The following RTN4RL1 variants were observed in gnomAD, a reference collection of about 807,000 sequenced individuals.
The protein encoded by RTN4RL1 is reticulon 4 receptor like 1.
A neutral mutation model predicts 25.6 loss-of-function variants in RTN4RL1; 7 were observed. The ratio of observed to expected loss-of-function variants is 0.27; its 90% CI spans 0.16 to 0.51. The LOEUF (loss-of-function observed/expected upper bound fraction) is 0.51, where lower values mean the gene tolerates loss of function less well. Among genes scored for constraint, RTN4RL1 ranks in the 20% least tolerant of loss-of-function variants. The pLI is 0.97. For missense variants in RTN4RL1, 500 were observed against 615.6 expected (o/e 0.81, Z 1.99); for synonymous variants, 297 against 288.2 (o/e 1.03, Z -0.31).
intron 1 of RTN4RL1, among the ~76,000 whole-genome samples, chr17:1,974,353 TG>T (rs2066833594): frequency 6.6e-6 from 1 of 151,958 alleles, no homozygotes; most frequent in Non-Finnish European, 1.5e-5. Flanking sequence ...ATTGTGTCAT[TG>T]CACTCCAGCC....
rs200721283 is a variant in RTN4RL1 at position 1,937,696 on chromosome 17, C to T, written c.126G>A (p.Ala42=). ...YPAPMTVSCQ[A]HNFAAIPEGI... is the part of the protein sequence containing the mutation. ...CCTCCGGGATGGCTGCAAAGTTGTG[C>T]GCCTGGCAGCTGACCGTCATGGGCG... is the stretch of plus-strand genomic sequence containing the variant. The change falls in exon 2 of 2, where the codon GCG becomes GCA. Residue 42 remains alanine (A), a synonymous_variant. Transcript: ENST00000331238. The T allele has an allele frequency of 7.4e-5, 119 of 1,613,154 alleles. No homozygotes were observed. The highest frequency in any genetic ancestry group is 2.7e-4 in the South Asian group (25 of 91,058).
intron 1 of RTN4RL1, among the ~76,000 whole-genome samples, chr17:1,974,949 C>G (rs1407197481): frequency 1.3e-5 from 2 of 152,230 alleles, no homozygotes; most frequent in Non-Finnish European, 2.9e-5. Flanking sequence ...CACTGAAACT[C>G]AGCCTCACTC....
rs1338465704 is a variant in RTN4RL1, at chr17:1,935,753, A to G, written c.*743T>C. The stretch of plus-strand genomic sequence containing the variant: ...TATATATATATATATATATATATAT[A>G]TGTAGAGTGTGAATATATATAAGTG... On this transcript the variant is annotated 3_prime_UTR_variant, in exon 2 of 2. Coordinates refer to ENST00000331238, the MANE Select transcript of RTN4RL1 (RefSeq NM_178568.4). The G allele has an allele frequency of 2.9e-5, 9 of 307,994 alleles. No individual in the cohort carries two copies. The highest frequency in any genetic ancestry group is 1.3e-4 in the African/African-American group (5 of 39,382). 19.1% of individuals were successfully genotyped at this position (307,994 alleles called of 1,614,324 possible). A position where few individuals can be genotyped will look rare whatever the true frequency, so the allele number is the denominator to read the frequency against.
At chr17:2,001,053 A>C (rs1597235607) in intron 1 of RTN4RL1, among the ~76,000 whole-genome samples, 1 of 94,434 alleles carries the variant, frequency 1.1e-5, no homozygotes, top group Admixed American at 1.1e-4. Flanking sequence ...TTTTTCATTT[A>C]CTTTTTTTTT....
Position 1,935,162 on chromosome 17 carries a change from G to C in RTN4RL1, c.*1334C>G, listed in dbSNP as rs1009654118. The stretch of plus-strand genomic sequence containing the variant: ...CTCAAGCCCGGAGTCTCCTTGGCCC[G>C]TCCAGGCCGTCACTGACCAAACGCT... On this transcript the variant is annotated 3_prime_UTR_variant, in exon 2 of 2. Coordinates refer to ENST00000331238, the MANE Select transcript of RTN4RL1 (RefSeq NM_178568.4). The C allele has an allele frequency of 6.5e-6, 1 of 152,778 alleles. No individual in the cohort carries two copies. The highest frequency in any genetic ancestry group is 2.4e-5 in the African/African-American group (1 of 41,564). 9.5% of individuals were successfully genotyped at this position (152,778 alleles called of 1,614,324 possible).
At chr17:1,968,908 G>A (rs1271988260) in intron 1 of RTN4RL1, among the ~76,000 whole-genome samples, 2 of 152,160 alleles carry the variant, frequency 1.3e-5, no homozygotes, top group Non-Finnish European at 2.9e-5. Flanking sequence ...GGCACAAATG[G>A]ACAGTGCCAG....
In RTN4RL1 at chr17:1,994,212, G is replaced by C. The variant is rs367650613; in HGVS notation, c.13+30641C>G. Reference sequence around the variant, plus strand: ...GAATTCACAGGCGCTGGGAGCTTGAGGGGGAAGTGATGGGCAAGAGCTGGG... The same window carrying C: ...GAATTCACAGGCGCTGGGAGCTTGACGGGGAAGTGATGGGCAAGAGCTGGG... On this transcript the variant is annotated intron_variant, in intron 1 of 1. Transcript: ENST00000331238. The surrounding 1 kb of genome is among the most constrained non-coding windows in gnomAD (Gnocchi z 4.3). Among the ~76,000 whole-genome samples the C allele has an allele frequency of 6.6e-6, 1 of 151,974 alleles. No individual in the cohort carries two copies. Among genetic ancestry groups the C allele is most frequent in the South Asian group, 2.1e-4 (1 of 4,824 alleles).
In RTN4RL1 at chr17:1,936,500, C is replaced by T. The variant is rs903237164; in HGVS notation, c.1322G>A (p.Arg441His). Residue 441 changes from arginine to histidine, a missense_variant, in exon 2 of 2, where the codon CGC becomes CAC. By Grantham distance (29) the Arg-to-His change is conservative. This residue lies in a region of RTN4RL1 where 268 missense variants were observed against 274.5 expected (regional missense o/e 0.98). Transcript: ENST00000331238. ...AWTLGLAVTL[R>H] The stretch of plus-strand genomic sequence containing the variant: ...GGGTGCTGACGCCCTGGGTCCTCAG[C>T]GGAGAGTGACCGCCAGCCCCAGTGT... 19 of 1,543,214 alleles carry T rather than the reference C, an allele frequency of 1.2e-5. No homozygotes were observed. The highest frequency in any genetic ancestry group is 1.4e-5 in the Non-Finnish European group (16 of 1,147,652).
At chr17:1,986,364 G>C (rs2066887177) in intron 1 of RTN4RL1, among the ~76,000 whole-genome samples, 1 of 151,970 alleles carries the variant, frequency 6.6e-6, no homozygotes, top group South Asian at 2.1e-4. Context: ...GGAGTGAATT[G>C]AATGGTGGCC....
intron 1 of RTN4RL1, among the ~76,000 whole-genome samples, chr17:1,979,490 A>G (rs1353230266): frequency 6.9e-6 from 1 of 144,516 alleles, no homozygotes; most frequent in African/African-American, 2.6e-5. Flanking sequence ...AAAAGAAAAA[A>G]AAAGACAAAG....
chr17:1,983,036 ATTC>A (rs751341203), intron 1 of RTN4RL1, among the ~76,000 whole-genome samples: 46 of 149,952 alleles, frequency 3.1e-4, no homozygotes, highest in African/African-American at 5.6e-4. Context: ...GAGACCTCAC[ATTC>A]TTCTTCTTCT....
In RTN4RL1 at chr17:1,991,396, G is replaced by A. The variant is rs1240395278; in HGVS notation, c.13+33457C>T. Among the ~76,000 whole-genome samples, 2 of 125,068 alleles carry A rather than the reference G, an allele frequency of 1.6e-5. 1 individual carries two copies. Among genetic ancestry groups the A allele is most frequent in the Non-Finnish European group, 3.3e-5 (2 of 60,742 alleles). 82.0% of individuals were successfully genotyped at this position (125,068 alleles called of 152,430 possible). The stretch of plus-strand genomic sequence containing the variant: ...AAAGCCTGTGAGTTTGTTTTTTTTT[G>A]AACCTCCCCCAACTTTCTTTTTAAT... On this transcript the variant is annotated intron_variant, in intron 1 of 1. Coordinates refer to ENST00000331238, the MANE Select transcript of RTN4RL1 (RefSeq NM_178568.4).
At chr17:1,991,472 A>AAAAAACAAACAAAC (rs1567518488) in intron 1 of RTN4RL1, among the ~76,000 whole-genome samples, 1 of 149,584 alleles carries the variant, frequency 6.7e-6, no homozygotes, top group African/African-American at 2.5e-5. Context: ...AACAAAAAAA[A>AAAAAACAAACAAAC]ACTTCAAAGA....
chr17:1,982,999 G>A (rs1397977330), intron 1 of RTN4RL1, among the ~76,000 whole-genome samples: 1 of 152,132 alleles, frequency 6.6e-6, no homozygotes, highest in Non-Finnish European at 1.5e-5. Flanking sequence ...GTGCCTCTGG[G>A]GGGCCATTTG....
chr17:1,981,908 G>A (rs180925122), intron 1 of RTN4RL1, among the ~76,000 whole-genome samples: 5 of 152,334 alleles, frequency 3.3e-5, no homozygotes, highest in African/African-American at 9.6e-5. Flanking sequence ...CGCACACCTA[G>A]GCTATATGGG....
At position 1,998,458 on chromosome 17, in the gene RTN4RL1, C is replaced by A. The variant is rs546474998; in HGVS notation, c.13+26395G>T. Among the ~76,000 whole-genome samples, 20 of 152,092 alleles carry A rather than the reference C, an allele frequency of 1.3e-4. No individual in the cohort carries two copies. The East Asian group carries it at 3.1e-3, about 24-fold the overall frequency. ...GGGAGCCGCCGGCCGGGGATCTGCG[C>A]ACCCCACGCGCCCCGCTCGGGTCGG... On this transcript the variant is annotated intron_variant, in intron 1 of 1. Transcript: ENST00000331238. This position sits in a 1 kb window ranked among gnomAD's most constrained non-coding sequence, Gnocchi z 4.9.
Position 1,935,483 on chromosome 17 carries a change from C to G in RTN4RL1, c.*1013G>C. ...CCCAAAGTGACTCTTGCTGCCTCCC[C>G]CTTCCTCACCGTCCCGCCGACACCT... On this transcript the variant is annotated 3_prime_UTR_variant, in exon 2 of 2. Coordinates refer to ENST00000331238, the MANE Select transcript of RTN4RL1 (RefSeq NM_178568.4). The G allele has an allele frequency of 2.1e-6, 2 of 934,156 alleles. No homozygotes were observed. Among genetic ancestry groups the G allele is most frequent in the African/African-American group, 1.8e-5 (1 of 56,234 alleles). The allele number at this position is 934,156 out of a possible 1,614,324, so 57.9% of individuals were successfully genotyped here. A position where few individuals can be genotyped will look rare whatever the true frequency, so the allele number is the denominator to read the frequency against.
chr17:2,017,682 TAC>T (rs5741760), intron 1 of RTN4RL1: 34,679 of 150,630 alleles, frequency 0.23, 4,818 homozygotes, highest in Non-Finnish European at 0.33. Context: ...TTTCTGTACA[TAC>T]ACACACACAC....
Position 1,986,957 on chromosome 17 carries a change from C to T in RTN4RL1, c.13+37896G>A, listed in dbSNP as rs539835655. On this transcript the variant is annotated intron_variant, in intron 1 of 1. Coordinates refer to ENST00000331238, the MANE Select transcript of RTN4RL1 (RefSeq NM_178568.4). ...GAGGACATCTCTAAGCCGCAGCTTCCTTATCTGCAAAATGAGGGGGCTGGA... is the reference window on the plus strand; with the variant it reads ...GAGGACATCTCTAAGCCGCAGCTTCTTTATCTGCAAAATGAGGGGGCTGGA... Among the ~76,000 whole-genome samples the T allele has an allele frequency of 2.6e-5, 4 of 151,060 alleles. No homozygotes were observed. In the East Asian group the frequency reaches 7.7e-4, roughly 29 times the overall value.
Sources: gnomAD v4.1 joint callset for allele counts (sites outside exome capture counted in the v4.1 genomes callset) on GRCh38, gnomAD v4.1.1 for gene constraint, gnomAD v4.1.1 regional missense constraint, Gnocchi (gnomAD v3.1) non-coding constraint, MANE v1.5 for transcripts, NCBI Gene and HGNC (gene_info 2026-07-23, HGNC 2026-07-21) for gene names.